TMCC1: variants seen among roughly 807,000 people sequenced by gnomAD.
TMCC1 encodes transmembrane and coiled-coil domains protein 1.
Under a neutral mutation model 52.4 loss-of-function variants are expected in TMCC1, and 15 were observed. The ratio of observed to expected loss-of-function variants is 0.29; its 90% CI spans 0.19 to 0.44. TMCC1 has a LOEUF of 0.44. Among genes scored for constraint, TMCC1 ranks in the 20% least tolerant of loss-of-function variants. The pLI is 1.00. For synonymous variants in TMCC1, 279 were observed against 301.9 expected (o/e 0.92, Z 0.79); for missense variants, 503 against 806.0 (o/e 0.62, Z 4.55).
Position 129,828,467 on chromosome 3 carries a change from G to T in TMCC1, c.-89C>A. ...AATTAGGTAGGCATTTGCTTCAACA[G>T]TGACTACGCATGCAGCTGTGAGACG... On this transcript the variant is annotated 5_prime_UTR_variant, in exon 4 of 7. The change creates a new upstream start codon in the 5' untranslated region. Transcript: ENST00000393238. The surrounding 1 kb of genome is among the most constrained non-coding windows in gnomAD (Gnocchi z 4.1). 7.9e-7 allele frequency: 1 copy of T among 1,268,066 alleles called. No homozygotes were observed. The highest frequency in any genetic ancestry group is 1.1e-6 in the Non-Finnish European group (1 of 899,912). The allele number at this position is 1,268,066 out of a possible 1,614,324, so 78.6% of individuals were successfully genotyped here. A position where few individuals can be genotyped will look rare whatever the true frequency, so the allele number is the denominator to read the frequency against.
chr3:129,747,327 G>C (rs1197629751), intron 4 of TMCC1, among the ~76,000 whole-genome samples: 2 of 152,066 alleles, frequency 1.3e-5, no homozygotes, highest in Non-Finnish European at 2.9e-5. Context: ...GGAAATCCAT[G>C]GACCATATGG....
intron 4 of TMCC1, among the ~76,000 whole-genome samples, chr3:129,675,701 C>T (rs1481367598): frequency 3.9e-5 from 6 of 152,104 alleles, no homozygotes; most frequent in African/African-American, 1.2e-4. Context: ...ATATAGTTGG[C>T]CTCGTGGCTA....
chr3:129,859,569 C>G (rs746206992), intron 2 of TMCC1, among the ~76,000 whole-genome samples: 4 of 151,448 alleles, frequency 2.6e-5, no homozygotes, highest in African/African-American at 7.3e-5. Flanking sequence ...CCTGGCAAGC[C>G]GAGGCTGCAG....
Position 129,828,289 on chromosome 3 carries a change from T to C in TMCC1, c.90A>G (p.Ser30=), listed in dbSNP as rs779944028. Residue 30 remains serine (S), a synonymous_variant, in exon 4 of 7, where the codon TCA becomes TCG. Coordinates refer to ENST00000393238, the MANE Select transcript of TMCC1 (RefSeq NM_001017395.5). The surrounding 1 kb of genome is among the most constrained non-coding windows in gnomAD (Gnocchi z 4.1). ...QDAEARKQTE[S]EQKLSKMTHN... ...GGGTCATTTTAGACAATTTTTGTTC[T>C]GATTCTGTCTGCTTTCTGGCCTCTG... 6.2e-7 allele frequency: 1 copy of C among 1,614,202 alleles called. No homozygotes were observed. The highest frequency in any genetic ancestry group is 8.5e-7 in the Non-Finnish European group (1 of 1,180,032).
chr3:129,721,239 C>T (rs1650297054), intron 4 of TMCC1, among the ~76,000 whole-genome samples: 1 of 152,170 alleles, frequency 6.6e-6, no homozygotes, highest in Admixed American at 6.5e-5. Flanking sequence ...TTCAAGCCTT[C>T]CTTCAAATGT....
intron 4 of TMCC1, among the ~76,000 whole-genome samples, chr3:129,815,115 C>A (rs1215037139): frequency 6.6e-6 from 1 of 152,056 alleles, no homozygotes; most frequent in Non-Finnish European, 1.5e-5. Context: ...TTCTTTTCAT[C>A]ACCACAAGGG....
intron 4 of TMCC1, among the ~76,000 whole-genome samples, chr3:129,790,417 C>T (rs141612653): frequency 3.2e-4 from 49 of 152,130 alleles, no homozygotes; most frequent in African/African-American, 1.1e-3. Context: ...ATGAACTACA[C>T]GAAATGACAC....
chr3:129,704,902 T>G (rs1355213888), intron 4 of TMCC1, among the ~76,000 whole-genome samples: 1 of 152,168 alleles, frequency 6.6e-6, no homozygotes, highest in Non-Finnish European at 1.5e-5. Flanking sequence ...TCCCAGACCT[T>G]GATTGAGCTG....
At chr3:129,684,459 G>A (rs577390914) in intron 4 of TMCC1, among the ~76,000 whole-genome samples, 46 of 152,306 alleles carry the variant, frequency 3.0e-4, no homozygotes, top group African/African-American at 1.1e-3. Context: ...GTGGCACTAG[G>A]CCTGGGGGCA....
rs368780709 is a variant in TMCC1, at chr3:129,688,700, G to A, written c.577-17436C>T. ...CAAACAAGCATCCGTGTGTGTGCGC[G>A]CGCACGCAGTTTGCTAGAGCAGCTA... is the stretch of plus-strand genomic sequence containing the variant. On this transcript the variant is annotated intron_variant, in intron 4 of 6. Coordinates refer to ENST00000393238, the MANE Select transcript of TMCC1 (RefSeq NM_001017395.5). The A allele has an allele frequency of 3.5e-5, 34 of 985,438 alleles. No individual in the cohort carries two copies. The East Asian group carries it at 1.5e-3, about 43-fold the overall frequency. The allele number at this position is 985,438 out of a possible 1,614,324, so 61.0% of individuals were successfully genotyped here.
At chr3:129,848,906 C>T (rs569319430) in intron 2 of TMCC1, among the ~76,000 whole-genome samples, 27 of 152,040 alleles carry the variant, frequency 1.8e-4, no homozygotes, top group African/African-American at 6.3e-4. Context: ...CGCTCCTCTA[C>T]TAATTGTTGG....
chr3:129,754,946 C>T (rs1215438336), intron 4 of TMCC1, among the ~76,000 whole-genome samples: 1 of 151,852 alleles, frequency 6.6e-6, no homozygotes, highest in East Asian at 1.9e-4. Context: ...GGTGTGGTGG[C>T]GGGCGCCTGC....
intron 5 of TMCC1, among the ~76,000 whole-genome samples, chr3:129,667,650 G>A (rs2087576394): frequency 6.6e-6 from 1 of 152,128 alleles, no homozygotes; most frequent in Admixed American, 6.5e-5. Flanking sequence ...TGAAAGAAAT[G>A]CACTGCTCAT....
intron 2 of TMCC1, among the ~76,000 whole-genome samples, chr3:129,864,419 G>GA (rs201705585): frequency 0.012 from 1,812 of 152,098 alleles, 24 homozygotes; most frequent in African/African-American, 0.042. Context: ...CTGCACTCAG[G>GA]AAAAAAATAG....
At chr3:129,752,934 C>T (rs1314017790) in intron 4 of TMCC1, among the ~76,000 whole-genome samples, 2 of 152,146 alleles carry the variant, frequency 1.3e-5, no homozygotes, top group African/African-American at 4.8e-5. Context: ...CACATCTTCA[C>T]ATGGCCAGCG....
At chr3:129,695,964 G>A (rs912640116) in intron 4 of TMCC1, among the ~76,000 whole-genome samples, 11 of 152,106 alleles carry the variant, frequency 7.2e-5, no homozygotes, top group African/African-American at 2.7e-4. Flanking sequence ...ATGTGACAAA[G>A]AAGAAAATCA....
In TMCC1 at chr3:129,661,645, C is replaced by CA. The variant is rs1479872495; in HGVS notation, c.1512-6543dup. 7.9e-5 allele frequency among the ~76,000 whole-genome samples: 12 copies of CA among 151,504 alleles called. No individual in the cohort carries two copies. The South Asian group carries it at 2.1e-3, about 26-fold the overall frequency. Reference sequence around the variant, plus strand: ...TGAAACCCTGTCTCTACTAAAAATACAAAAAAAATCAGGTTGGTGTGGTGG... The same window carrying CA: ...TGAAACCCTGTCTCTACTAAAAATACAAAAAAAAATCAGGTTGGTGTGGTGG... On this transcript the variant is annotated intron_variant, in intron 5 of 6. Coordinates refer to ENST00000393238, the MANE Select transcript of TMCC1 (RefSeq NM_001017395.5).
intron 2 of TMCC1, among the ~76,000 whole-genome samples, chr3:129,845,781 T>C (rs1460849524): frequency 6.6e-6 from 1 of 151,996 alleles, no homozygotes; most frequent in Non-Finnish European, 1.5e-5. Context: ...TCAGGTAAAA[T>C]ACCCTGAAAT....
intron 4 of TMCC1, among the ~76,000 whole-genome samples, chr3:129,716,245 C>G (rs1463779371): frequency 1.4e-5 from 2 of 148,086 alleles, no homozygotes; most frequent in Non-Finnish European, 3.0e-5. Flanking sequence ...TAACTGTAAC[C>G]TCTGCCTCCC....
Sources: gnomAD v4.1 joint callset for allele counts (sites outside exome capture counted in the v4.1 genomes callset) on GRCh38, gnomAD v4.1.1 for gene constraint, Gnocchi (gnomAD v3.1) non-coding constraint, MANE v1.5 for transcripts, NCBI Gene and HGNC (gene_info 2026-07-23, HGNC 2026-07-21) for gene names.